Variants in MAPK10 observed in about 807,000 individuals in gnomAD.
MAPK10 encodes the protein mitogen-activated protein kinase 10.
In MAPK10, 25 loss-of-function variants were observed where a neutral mutation model predicts 59.3. The observed-to-expected ratio is 0.42, with a 90% CI of 0.31 to 0.59. The LOEUF (loss-of-function observed/expected upper bound fraction) is 0.59. Among genes scored for constraint, MAPK10 ranks in the 20% least tolerant of loss-of-function variants. MAPK10 has a pLI of 0.15. For synonymous variants in MAPK10, 190 were observed against 200.5 expected (o/e 0.95, Z 0.44); for missense variants, 351 against 568.9 (o/e 0.62, Z 3.90).
intron 11 of MAPK10, among the ~76,000 whole-genome samples, chr4:86,050,048 G>A (rs1053398921): frequency 1.3e-5 from 2 of 152,014 alleles, no homozygotes. Context: ...AGTTCCCCAG[G>A]TGTGTCCTGG....
intron 4 of MAPK10, among the ~76,000 whole-genome samples, chr4:86,150,393 C>T (rs540858757): frequency 6.6e-6 from 1 of 152,052 alleles, no homozygotes. Context: ...TCAGAATTCA[C>T]CTCTATATAA....
chr4:86,349,406 AT>A (rs1729995856), intron 2 of MAPK10, among the ~76,000 whole-genome samples: 1 of 152,016 alleles, frequency 6.6e-6, no homozygotes. Flanking sequence ...TCTTTTGTCA[AT>A]CATTCAATAA....
chr4:86,287,529 C>T (rs529599018), intron 2 of MAPK10, among the ~76,000 whole-genome samples: 187 of 152,268 alleles, frequency 1.2e-3, no homozygotes, highest in Non-Finnish European at 2.1e-3. Context: ...ATGAGTAATG[C>T]TTTAACACAC....
At chr4:86,128,710 G>C (rs2060488970) in intron 4 of MAPK10, among the ~76,000 whole-genome samples, 1 of 151,974 alleles carries the variant, frequency 6.6e-6, no homozygotes, top group African/African-American at 2.4e-5. Flanking sequence ...TTTTCCATAA[G>C]TTTGAAATTA....
At chr4:86,425,400 A>G (rs1747139334) in intron 1 of MAPK10, among the ~76,000 whole-genome samples, 1 of 151,524 alleles carries the variant, frequency 6.6e-6, no homozygotes, top group Non-Finnish European at 1.5e-5. Flanking sequence ...TATATTATAT[A>G]AAATGACTCC....
intron 1 of MAPK10, among the ~76,000 whole-genome samples, chr4:86,371,563 A>C (rs1266392582): frequency 6.6e-6 from 1 of 152,222 alleles, no homozygotes; most frequent in East Asian, 1.9e-4. Context: ...TAAGAAAAAA[A>C]TGCGAGTGAA....
At chr4:86,412,847 A>G (rs1745371808) in intron 1 of MAPK10, among the ~76,000 whole-genome samples, 1 of 152,154 alleles carries the variant, frequency 6.6e-6, no homozygotes, top group Non-Finnish European at 1.5e-5. Flanking sequence ...GGGTTAGAAC[A>G]TGCTCCTTTA....
intron 1 of MAPK10, among the ~76,000 whole-genome samples, chr4:86,562,708 T>TA (rs921931784): frequency 4.7e-5 from 7 of 150,090 alleles, no homozygotes; most frequent in South Asian, 2.1e-4. Context: ...AAAATAAAAA[T>TA]AAAAAAAAAC....
At chr4:86,115,138 G>A (rs2058108560) in intron 4 of MAPK10, among the ~76,000 whole-genome samples, 1 of 152,218 alleles carries the variant, frequency 6.6e-6, no homozygotes. Context: ...ACCCAAGCAG[G>A]TGGCACAGCT....
chr4:86,431,131 A>G (rs1747992784), intron 1 of MAPK10, among the ~76,000 whole-genome samples: 1 of 152,186 alleles, frequency 6.6e-6, no homozygotes, highest in Admixed American at 6.5e-5. Flanking sequence ...AAAAAAGAAA[A>G]GGAAGATAAC....
chr4:86,035,754 A>T (rs1487658506), intron 11 of MAPK10, among the ~76,000 whole-genome samples: 3 of 152,148 alleles, frequency 2.0e-5, no homozygotes. Flanking sequence ...AAGCCATCTA[A>T]AGAAATAGAG....
At chr4:86,383,629 A>G (rs1412839423) in intron 1 of MAPK10, among the ~76,000 whole-genome samples, 1 of 152,232 alleles carries the variant, frequency 6.6e-6, no homozygotes, top group Non-Finnish European at 1.5e-5. Flanking sequence ...TATTAACCAA[A>G]GGTATTCTAA....
At chr4:86,100,076 G>GTA (rs2055052919) in intron 8 of MAPK10, 1 of 152,108 alleles carries the variant, frequency 6.6e-6, no homozygotes, top group African/African-American at 2.4e-5. Context: ...AAAGTACCCT[G>GTA]TAGCACCTGT....
intron 1 of MAPK10, among the ~76,000 whole-genome samples, chr4:86,578,894 C>A (rs993718521): frequency 6.6e-6 from 1 of 151,930 alleles, no homozygotes; most frequent in Admixed American, 6.6e-5. Context: ...AGATAGATTA[C>A]CAACTCTATC....
chr4:86,443,624 C>T (rs1255171511), intron 1 of MAPK10, among the ~76,000 whole-genome samples: 1 of 152,094 alleles, frequency 6.6e-6, no homozygotes, highest in African/African-American at 2.4e-5. Context: ...CACAAACACA[C>T]ACACACGCAC....
chr4:86,405,961 A>G (rs1318452896), intron 1 of MAPK10, among the ~76,000 whole-genome samples: 1 of 152,214 alleles, frequency 6.6e-6, no homozygotes, highest in African/African-American at 2.4e-5. Flanking sequence ...AAATAGAAGA[A>G]ACAGGTAAGA....
At chr4:86,177,795 G>T (rs191657087) in intron 3 of MAPK10, among the ~76,000 whole-genome samples, 2 of 151,988 alleles carry the variant, frequency 1.3e-5, no homozygotes, top group Admixed American at 1.3e-4. Context: ...AAAACACTGT[G>T]CCAAAAAGTA....
chr4:86,375,691 G>A (rs1200074729), intron 1 of MAPK10, among the ~76,000 whole-genome samples: 1 of 129,886 alleles, frequency 7.7e-6, no homozygotes, highest in African/African-American at 3.0e-5. Context: ...CTCCAGCTAG[G>A]GTGACAGAGC....
intron 2 of MAPK10, among the ~76,000 whole-genome samples, chr4:86,345,661 T>A (rs529022711): frequency 6.6e-6 from 1 of 152,220 alleles, no homozygotes; most frequent in African/African-American, 2.4e-5. Context: ...AGAAACTATA[T>A]GAATAAATCT....
Sources: allele counts gnomAD v4.1 joint callset (sites outside exome capture counted in the v4.1 genomes callset), GRCh38; gene constraint gnomAD v4.1.1; transcripts MANE v1.5; gene names NCBI Gene and HGNC (gene_info 2026-07-23, HGNC 2026-07-21).